ZNF710: variants seen among roughly 807,000 people sequenced by gnomAD.
ZNF710 encodes zinc finger protein 710.
In ZNF710, 13 loss-of-function variants were observed where a neutral mutation model predicts 50.6. The observed-to-expected ratio is 0.26, with a 90% CI of 0.17 to 0.41. The LOEUF (loss-of-function observed/expected upper bound fraction) is 0.41, where lower values mean the gene tolerates loss of function less well. Among genes scored for constraint, ZNF710 ranks in the 10% least tolerant of loss-of-function variants. The probability of loss-of-function intolerance (pLI) is 1.00; values close to 1 mark genes in which losing one functional copy is unlikely to be tolerated. For synonymous variants in ZNF710, 383 were observed against 397.0 expected, an observed-to-expected ratio of 0.96 and a Z score of 0.42; for missense variants, 721 against 936.6, an observed-to-expected ratio of 0.77 and a Z score of 3.01.
chr15:90,075,351 T>G (rs1175082223), intron 4 of ZNF710: 1 of 152,116 alleles, frequency 6.6e-6, no homozygotes, highest in African/African-American at 2.4e-5. Flanking sequence ...TGAGACCTGG[T>G]CTCTACAAAA....
chr15:90,043,356 C>G (rs1042869740), intron 1 of ZNF710, among the ~76,000 whole-genome samples: 5 of 152,244 alleles, frequency 3.3e-5, no homozygotes, highest in Non-Finnish European at 7.3e-5. Context: ...GGCCAGGGCT[C>G]TCTCCCTTGG....
rs541077656 is a variant in ZNF710, at chr15:90,059,719, G to A, written c.-28-7391G>A. Among the ~76,000 whole-genome samples, 232 of 152,322 alleles carry A rather than the reference G, an allele frequency of 1.5e-3. 2 individuals carry two copies. The highest frequency in any genetic ancestry group is 5.3e-3 in the African/African-American group (222 of 41,572). On this transcript the variant is annotated intron_variant, in intron 1 of 4. Coordinates refer to ENST00000268154, the MANE Select transcript of ZNF710 (RefSeq NM_198526.4). This position sits in a 1 kb window ranked among gnomAD's most constrained non-coding sequence, Gnocchi z 4.1. ...AAGTGAGACTGTGGCAAGGGGCCCC[G>A]AGGCACAGGCCTTCCAGCTCTCGCT...
Position 90,068,714 on chromosome 15 carries a change from C to A in ZNF710, c.1458+119C>A. 2 of 1,162,400 alleles carry A rather than the reference C, an allele frequency of 1.7e-6. No homozygotes were observed. The highest frequency in any genetic ancestry group is 2.4e-6 in the Non-Finnish European group (2 of 832,488). 72.0% of individuals were successfully genotyped at this position (1,162,400 alleles called of 1,614,324 possible). On this transcript the variant is annotated intron_variant, in intron 2 of 4. Coordinates refer to ENST00000268154, the MANE Select transcript of ZNF710 (RefSeq NM_198526.4). The surrounding 1 kb of genome is among the most constrained non-coding windows in gnomAD (Gnocchi z 5.0). ...GGTCTCCTAGTTTTATCGTTACGTA[C>A]TTATTTTGATGAGTATTAGAAATCA... is the stretch of plus-strand genomic sequence containing the variant.
chr15:90,074,945 A>G (rs1404021146), intron 4 of ZNF710: 1 of 191,528 alleles, frequency 5.2e-6, no homozygotes, highest in Non-Finnish European at 1.1e-5. Context: ...ATACTCATGA[A>G]AGGGCCAGAC....
chr15:90,024,261 A>C (rs148485495), intron 1 of ZNF710, among the ~76,000 whole-genome samples: 1 of 152,304 alleles, frequency 6.6e-6, no homozygotes, highest in African/African-American at 2.4e-5. Context: ...TTCATTGGCC[A>C]TCTTAACACA....
intron 1 of ZNF710, among the ~76,000 whole-genome samples, chr15:90,038,061 C>T (rs1279269374): frequency 1.3e-5 from 2 of 152,188 alleles, no homozygotes; most frequent in Non-Finnish European, 2.9e-5. Context: ...GATTTCCCCT[C>T]GACCCGCAGT....
intron 1 of ZNF710, among the ~76,000 whole-genome samples, chr15:90,011,464 G>T (rs1898303132): frequency 6.6e-6 from 1 of 152,164 alleles, no homozygotes; most frequent in African/African-American, 2.4e-5. Context: ...TTCAAACAAT[G>T]TAAAGACCTT....
In ZNF710 at chr15:90,044,944, G is replaced by A. The variant is rs1040790954; in HGVS notation, c.-28-22166G>A. Among the ~76,000 whole-genome samples the A allele has an allele frequency of 4.6e-5, 7 of 152,072 alleles. No homozygotes were observed. The South Asian group carries it at 6.2e-4, about 14-fold the overall frequency. The stretch of plus-strand genomic sequence containing the variant: ...TTATACCTGTGTAGGCCAAACCCCC[G>A]CACTGTGTCACACCTCCACATTACA... On this transcript the variant is annotated intron_variant, in intron 1 of 4. Coordinates refer to ENST00000268154, the MANE Select transcript of ZNF710 (RefSeq NM_198526.4).
rs1898310541 is a variant in ZNF710 at position 90,011,773 on chromosome 15, TA to T, written c.-29+10160del. On this transcript the variant is annotated intron_variant, in intron 1 of 4. Transcript: ENST00000268154. ...TTTTTTTTCTTCTTCTTCTTTTTTT[TA>T]GCCTAGAATATATATAATAATGGCT... is the stretch of plus-strand genomic sequence containing the variant. Among the ~76,000 whole-genome samples, 16 of 152,340 alleles carry T rather than the reference TA, an allele frequency of 1.1e-4. No individual in the cohort carries two copies. The South Asian group carries it at 3.3e-3, about 32-fold the overall frequency.
At chr15:90,017,587 C>T (rs1898490058) in intron 1 of ZNF710, among the ~76,000 whole-genome samples, 1 of 151,948 alleles carries the variant, frequency 6.6e-6, no homozygotes, top group African/African-American at 2.4e-5. Context: ...CCTGAGCTGG[C>T]ATGTCCAACA....
chr15:90,071,494 G>A (rs1900383094), intron 2 of ZNF710, among the ~76,000 whole-genome samples: 1 of 152,004 alleles, frequency 6.6e-6, no homozygotes, highest in South Asian at 2.1e-4. Flanking sequence ...AGTCCCTGCT[G>A]CTAAGAGACA....
At chr15:90,000,502 T>C (rs1344518260), upstream of ZNF710, among the ~76,000 whole-genome samples, 3 of 151,774 alleles carry the variant, frequency 2.0e-5, no homozygotes, top group African/African-American at 7.3e-5. Context: ...GGCCCTGGGC[T>C]CGGGGACCCC....
rs542793555 is a variant in ZNF710, at chr15:90,059,682, T to C, written c.-28-7428T>C. On this transcript the variant is annotated intron_variant, in intron 1 of 4. Transcript: ENST00000268154. This position sits in a 1 kb window ranked among gnomAD's most constrained non-coding sequence, Gnocchi z 4.1. The stretch of plus-strand genomic sequence containing the variant: ...CTGGGCCTCTGGCTCCTGAGGCCTG[T>C]GGGCTGGGCAGAAGTGAGACTGTGG... Among the ~76,000 whole-genome samples, 1 of 152,290 alleles carries C rather than the reference T, an allele frequency of 6.6e-6. No homozygotes were observed. Among genetic ancestry groups the C allele is most frequent in the African/African-American group, 2.4e-5 (1 of 41,566 alleles).
chr15:90,072,443 C>G (rs1428098684), intron 2 of ZNF710, among the ~76,000 whole-genome samples: 1 of 152,170 alleles, frequency 6.6e-6, no homozygotes, highest in Non-Finnish European at 1.5e-5. Context: ...AAAACACTTT[C>G]AAGAGATGAG....
At chr15:90,001,924 G>A (rs1415295970) in intron 1 of ZNF710, among the ~76,000 whole-genome samples, 1 of 144,720 alleles carries the variant, frequency 6.9e-6, no homozygotes, top group Non-Finnish European at 1.5e-5. Context: ...GGGAGAGGGA[G>A]GGAGCGAGCG....
chr15:90,031,382 C>A (rs933470124), intron 1 of ZNF710, among the ~76,000 whole-genome samples: 2 of 152,200 alleles, frequency 1.3e-5, no homozygotes, highest in African/African-American at 4.8e-5. Flanking sequence ...TCACAGCACC[C>A]TAGACCTGCT....
rs1354568817 is a variant in ZNF710, at chr15:90,073,153, C to G, written c.1541C>G (p.Thr514Ser). Residue 514 changes from threonine (T) to serine (S), a missense_variant, in exon 3 of 5, where the codon ACC becomes AGC. Physicochemically the swap from Thr to Ser is moderately conservative, Grantham distance 58. Coordinates refer to ENST00000268154, the MANE Select transcript of ZNF710 (RefSeq NM_198526.4). ...ATGAAGCGGCACATGCTGATCCACA[C>G]CAGCGTCCGGCCCTACCAGTGCCAC... Reference protein sequence around the residue: ...ANMKRHMLIHTSVRPYQCHIC... With the variant: ...ANMKRHMLIHSSVRPYQCHIC... 2 of 1,614,204 alleles carry G rather than the reference C, an allele frequency of 1.2e-6. No homozygotes were observed. Among genetic ancestry groups the G allele is most frequent in the South Asian group, 1.1e-5 (1 of 91,084 alleles).
intron 2 of ZNF710, 33 bp from the exon 3 acceptor site, chr15:90,073,038 G>A (rs766280440): frequency 9.4e-6 from 15 of 1,601,022 alleles, no homozygotes; most frequent in Non-Finnish European, 1.1e-5. Flanking sequence ...TGTGCCCATT[G>A]TGTGGCCCTG....
At position 90,081,564 on chromosome 15, in the gene ZNF710, G is replaced by C. The variant is rs1900722608; in HGVS notation, c.*1735G>C. 1 of 152,306 alleles carries C rather than the reference G, an allele frequency of 6.6e-6. No homozygotes were observed. The highest frequency in any genetic ancestry group is 6.5e-5 in the Admixed American group (1 of 15,284). 9.4% of individuals were successfully genotyped at this position (152,306 alleles called of 1,614,324 possible). On this transcript the variant is annotated 3_prime_UTR_variant, in exon 5 of 5. Coordinates refer to ENST00000268154, the MANE Select transcript of ZNF710 (RefSeq NM_198526.4). ...GGGGTGGACAAGGTGGCCCAAGTAT[G>C]GCTTCCAGACCCCGAAGCCCCACGA...
Sources: allele counts gnomAD v4.1 joint callset (sites outside exome capture counted in the v4.1 genomes callset), GRCh38; gene constraint gnomAD v4.1.1; non-coding constraint Gnocchi (gnomAD v3.1); transcripts MANE v1.5; gene names NCBI Gene and HGNC (gene_info 2026-07-23, HGNC 2026-07-21).